The following ST8SIA6 variants were observed in gnomAD, a reference collection of about 807,000 sequenced individuals.
The protein encoded by ST8SIA6 is alpha-2,8-sialyltransferase 8F.
A neutral mutation model predicts 33.6 loss-of-function variants in ST8SIA6; 39 were observed. That is an observed-to-expected ratio of 1.16 (90% CI 0.90 to 1.52). The LOEUF (loss-of-function observed/expected upper bound fraction) is 1.52, where lower values mean the gene tolerates loss of function less well. ST8SIA6 is among the 40% of genes most tolerant of loss of function. The pLI is 0.00. For synonymous variants in ST8SIA6, 172 were observed against 167.2 expected (o/e 1.03, Z -0.22); for missense variants, 441 against 443.8 (o/e 0.99, Z 0.06).
chr10:17,334,448 AC>A (rs553460024), intron 4 of ST8SIA6, among the ~76,000 whole-genome samples: 53 of 151,920 alleles, frequency 3.5e-4, no homozygotes, highest in South Asian at 2.3e-3. Flanking sequence ...CTGAAGCAGG[AC>A]AATGGTGTGA....
intron 2 of ST8SIA6, among the ~76,000 whole-genome samples, chr10:17,420,580 C>T (rs1312012659): frequency 6.6e-6 from 1 of 152,112 alleles, no homozygotes; most frequent in Non-Finnish European, 1.5e-5. Context: ...GATTTAGGCA[C>T]CATGAGATAG....
intron 2 of ST8SIA6, among the ~76,000 whole-genome samples, chr10:17,431,085 T>C (rs1388264345): frequency 1.3e-5 from 2 of 152,200 alleles, no homozygotes; most frequent in African/African-American, 4.8e-5. Context: ...TGAGTAGGGA[T>C]TTCCTTTTCA....
rs189892309 is a variant in ST8SIA6 at position 17,354,132 on chromosome 10, C to T, written c.377+5382G>A. Among the ~76,000 whole-genome samples, 117 of 152,224 alleles carry T rather than the reference C, an allele frequency of 7.7e-4. 1 individual carries two copies. The highest frequency in any genetic ancestry group is 2.8e-3 in the African/African-American group (115 of 41,532). Reference sequence around the variant, plus strand: ...AGCTCAAAGATCTGCGGGGATAAAACCTGCTTACCAGAAGTTTCCAGAGCT... The same window carrying T: ...AGCTCAAAGATCTGCGGGGATAAAATCTGCTTACCAGAAGTTTCCAGAGCT... On this transcript the variant is annotated intron_variant, in intron 4 of 7. Transcript: ENST00000377602.
At chr10:17,411,124 T>C (rs17141038) in intron 2 of ST8SIA6, among the ~76,000 whole-genome samples, 8,174 of 152,240 alleles carry the variant, frequency 0.054, 739 homozygotes, top group African/African-American at 0.18. Flanking sequence ...TCACATGTCA[T>C]TTCAGACAAC....
intron 2 of ST8SIA6, among the ~76,000 whole-genome samples, chr10:17,428,470 C>A (rs1852001898): frequency 6.6e-6 from 1 of 151,924 alleles, no homozygotes; most frequent in East Asian, 1.9e-4. Flanking sequence ...CTCAATCTAC[C>A]CTAGAAGTGG....
chr10:17,438,879 A>G (rs1043523526), intron 2 of ST8SIA6, among the ~76,000 whole-genome samples: 2 of 152,248 alleles, frequency 1.3e-5, no homozygotes, highest in African/African-American at 4.8e-5. Flanking sequence ...AGAATATTGC[A>G]CAGACCTTGT....
chr10:17,398,407 A>G (rs1188835649), intron 2 of ST8SIA6, among the ~76,000 whole-genome samples: 1 of 152,162 alleles, frequency 6.6e-6, no homozygotes, highest in South Asian at 2.1e-4. Context: ...TCCCTACAAA[A>G]TAATGCCATC....
intron 3 of ST8SIA6, among the ~76,000 whole-genome samples, chr10:17,382,200 A>C (rs755697530): frequency 8.5e-5 from 13 of 152,240 alleles, no homozygotes; most frequent in Non-Finnish European, 1.6e-4. Context: ...TATTAAATTA[A>C]ATAATAGATA....
At chr10:17,453,516 C>A (rs765274963) in intron 2 of ST8SIA6, 43 bp downstream of exon 2, 53 of 1,261,086 alleles carry the variant, frequency 4.2e-5, no homozygotes, top group Non-Finnish European at 1.0e-6. Flanking sequence ...GCCCGGCTCG[C>A]AGCTCCCGAG....
intron 4 of ST8SIA6, among the ~76,000 whole-genome samples, chr10:17,345,574 G>C (rs1354412492): frequency 9.9e-6 from 1 of 101,488 alleles, no homozygotes; most frequent in East Asian, 2.3e-4. Flanking sequence ...CTGGAGAAGA[G>C]AGAGAGAGCA....
chr10:17,402,124 G>A (rs1453936485), intron 2 of ST8SIA6, among the ~76,000 whole-genome samples: 2 of 152,168 alleles, frequency 1.3e-5, no homozygotes, highest in Non-Finnish European at 2.9e-5. Context: ...CGAAGGATAT[G>A]AACAGACACT....
At chr10:17,378,777 A>G (rs1850006042) in intron 3 of ST8SIA6, among the ~76,000 whole-genome samples, 1 of 152,182 alleles carries the variant, frequency 6.6e-6, no homozygotes, top group Non-Finnish European at 1.5e-5. Context: ...AGAAACCTAG[A>G]GTCCTGGCAG....
At chr10:17,449,094 A>G (rs1184251869) in intron 2 of ST8SIA6, among the ~76,000 whole-genome samples, 1 of 151,928 alleles carries the variant, frequency 6.6e-6, no homozygotes, top group Non-Finnish European at 1.5e-5. Context: ...ATCTAAACAT[A>G]TATAGAAACT....
At chr10:17,438,148 T>C (rs985859709) in intron 2 of ST8SIA6, among the ~76,000 whole-genome samples, 6 of 152,286 alleles carry the variant, frequency 3.9e-5, no homozygotes, top group Admixed American at 3.9e-4. Flanking sequence ...TTATGAGAGG[T>C]CTTTCCCTGT....
intron 4 of ST8SIA6, among the ~76,000 whole-genome samples, chr10:17,332,656 C>T (rs1848337639): frequency 6.6e-6 from 1 of 152,018 alleles, no homozygotes; most frequent in Non-Finnish European, 1.5e-5. Flanking sequence ...GACAGGGTTT[C>T]ACCATGTTGG....
intron 2 of ST8SIA6, among the ~76,000 whole-genome samples, chr10:17,396,951 CTCT>C (rs1850827700): frequency 6.6e-6 from 1 of 152,234 alleles, no homozygotes; most frequent in Non-Finnish European, 1.5e-5. Context: ...CCACAGTCCT[CTCT>C]TCTTGTCCTT....
intron 3 of ST8SIA6, among the ~76,000 whole-genome samples, chr10:17,368,692 ATAAT>A (rs150421485): frequency 0.011 from 1,710 of 152,262 alleles, 41 homozygotes; most frequent in East Asian, 0.083. Context: ...TAATAAAGTA[ATAAT>A]TAAGTAAGCT....
At chr10:17,331,249 A>G (rs1326509215) in intron 5 of ST8SIA6, among the ~76,000 whole-genome samples, 159 bp downstream of exon 5, 2 of 152,208 alleles carry the variant, frequency 1.3e-5, no homozygotes, top group Non-Finnish European at 2.9e-5. Flanking sequence ...ACTGCATTCA[A>G]AATGGCCCTT....
At chr10:17,362,297 T>G (rs1849416277) in intron 3 of ST8SIA6, among the ~76,000 whole-genome samples, 1 of 152,184 alleles carries the variant, frequency 6.6e-6, no homozygotes, top group Admixed American at 6.5e-5. Context: ...ATTATACACT[T>G]AAGTTGAAGT....
Sources: allele counts gnomAD v4.1 joint callset (sites outside exome capture counted in the v4.1 genomes callset), GRCh38; gene constraint gnomAD v4.1.1; transcripts MANE v1.5; gene names NCBI Gene and HGNC (gene_info 2026-07-23, HGNC 2026-07-21).